REC114: variants seen among roughly 807,000 people sequenced by gnomAD.
REC114 encodes meiotic recombination protein REC114.
Under a neutral mutation model 31.3 loss-of-function variants are expected in REC114, and 27 were observed. The observed-to-expected ratio is 0.86, with a 90% confidence interval of 0.64 to 1.19. The LOEUF is 1.19. Among genes scored for constraint, REC114 ranks in the 50% most tolerant of loss-of-function variants. The pLI is 0.00. For synonymous variants in REC114, 134 were observed against 127.7 expected (o/e 1.05, Z -0.33); for missense variants, 344 against 326.9 (o/e 1.05, Z -0.40).
intron 1 of REC114, among the ~76,000 whole-genome samples, chr15:73,445,592 G>A (rs967492994): frequency 2.6e-5 from 4 of 152,146 alleles, no homozygotes; most frequent in African/African-American, 7.2e-5. Flanking sequence ...TGAGAGATAT[G>A]TGATTTTTCC....
chr15:73,484,402 G>C (rs1279263998), intron 2 of REC114, among the ~76,000 whole-genome samples: 3 of 152,236 alleles, frequency 2.0e-5, no homozygotes, highest in African/African-American at 7.2e-5. Context: ...TTCTGTCCTG[G>C]AGCTGGAGCT....
chr15:73,507,106 C>A (rs550558939), intron 2 of REC114, among the ~76,000 whole-genome samples: 1 of 152,204 alleles, frequency 6.6e-6, no homozygotes, highest in South Asian at 2.1e-4. Flanking sequence ...ACTAAGTGTT[C>A]ATTTCCTGTG....
chr15:73,473,308 GA>G (rs1244675225), intron 1 of REC114, among the ~76,000 whole-genome samples: 8 of 151,874 alleles, frequency 5.3e-5, no homozygotes. Context: ...AGAATCGCTT[GA>G]ACACAGGAGG....
intron 1 of REC114, among the ~76,000 whole-genome samples, 178 bp downstream of exon 1, chr15:73,443,522 G>A (rs1892726334): frequency 6.6e-6 from 1 of 152,236 alleles, no homozygotes; most frequent in African/African-American, 2.4e-5. Flanking sequence ...CATAGCAGTA[G>A]GAGACATGGT....
chr15:73,543,942 CTTTTTTTTTTT>C (rs34215297), intron 3 of REC114, among the ~76,000 whole-genome samples: 13 of 74,132 alleles, frequency 1.8e-4, no homozygotes, highest in African/African-American at 6.2e-4. Context: ...TGTTAACTGG[CTTTTTTTTTTT>C]TTTTTTTTTT....
chr15:73,559,991 T>G lies in REC114; in HGVS notation c.*75T>G, dbSNP rs1894563722. ...TTCCTCCTAAAATTAAAGAAGATAT[T>G]AGAATAAAGAGTATTATCCAAACAC... On this transcript the variant is annotated 3_prime_UTR_variant, in exon 6 of 6. Transcript: ENST00000331090. 4 of 1,366,474 alleles carry G rather than the reference T, an allele frequency of 2.9e-6. No individual in the cohort carries two copies. The Admixed American group carries it at 7.8e-5, about 27-fold the overall frequency. The allele number at this position is 1,366,474 out of a possible 1,614,324, so 84.6% of individuals were successfully genotyped here. A position where few individuals can be genotyped will look rare whatever the true frequency, so the allele number is the denominator to read the frequency against.
intron 1 of REC114, among the ~76,000 whole-genome samples, chr15:73,454,563 T>C (rs1442994768): frequency 1.3e-5 from 2 of 152,186 alleles, no homozygotes; most frequent in African/African-American, 4.8e-5. Context: ...AATCAGTATA[T>C]CTAGGACCAT....
chr15:73,555,842 T>TC (rs1333487638), intron 4 of REC114, among the ~76,000 whole-genome samples: 1 of 152,156 alleles, frequency 6.6e-6, no homozygotes, highest in African/African-American at 2.4e-5. Context: ...TATAGGAGTT[T>TC]CCCCCCATTT....
chr15:73,546,500 G>A (rs1894310140), intron 3 of REC114, among the ~76,000 whole-genome samples: 1 of 152,066 alleles, frequency 6.6e-6, no homozygotes. Context: ...ATACTCTTCA[G>A]CCATTGAAAG....
At chr15:73,510,032 C>G (rs1893739868) in intron 2 of REC114, among the ~76,000 whole-genome samples, 1 of 151,960 alleles carries the variant, frequency 6.6e-6, no homozygotes, top group African/African-American at 2.4e-5. Context: ...TTACCTTGGG[C>G]AGTATGGCCA....
At chr15:73,467,892 CTTTT>C (rs112871881) in intron 1 of REC114, among the ~76,000 whole-genome samples, 1 of 145,728 alleles carries the variant, frequency 6.9e-6, no homozygotes, top group African/African-American at 2.5e-5. Flanking sequence ...GCTCAAGAAT[CTTTT>C]TTTTTTTTTC....
chr15:73,521,679 T>C lies in REC114; in HGVS notation c.250-18806T>C, dbSNP rs1230788112. Among the ~76,000 whole-genome samples the C allele has an allele frequency of 4.6e-5, 7 of 152,252 alleles. No homozygotes were observed. The South Asian group carries it at 6.2e-4, about 14-fold the overall frequency. ...AGAGCCTACAAACATTAAAAGAAGG[T>C]ATTTTTATCATCTTTATATCATGTA... On this transcript the variant is annotated intron_variant, in intron 2 of 5. Transcript: ENST00000331090.
intron 2 of REC114, among the ~76,000 whole-genome samples, chr15:73,506,865 G>T (rs79303083): frequency 6.6e-6 from 1 of 152,140 alleles, no homozygotes; most frequent in East Asian, 1.9e-4. Flanking sequence ...CCAAAGAAAA[G>T]ATCAACATAT....
intron 2 of REC114, among the ~76,000 whole-genome samples, chr15:73,503,281 A>G (rs1893626061): frequency 6.6e-6 from 1 of 152,202 alleles, no homozygotes; most frequent in Admixed American, 6.5e-5. Context: ...TACGTTCCCC[A>G]GTGTTTCAAC....
chr15:73,486,926 C>G (rs556188736), intron 2 of REC114, among the ~76,000 whole-genome samples: 1 of 152,046 alleles, frequency 6.6e-6, no homozygotes, highest in Non-Finnish European at 1.5e-5. Context: ...ATCCCAGGTA[C>G]AGGAGAATCG....
intron 1 of REC114, among the ~76,000 whole-genome samples, chr15:73,461,771 A>G (rs1048835005): frequency 2.6e-5 from 4 of 152,106 alleles, no homozygotes; most frequent in African/African-American, 9.7e-5. Flanking sequence ...CGGAGGTCAT[A>G]TTGATGTCAA....
intron 2 of REC114, among the ~76,000 whole-genome samples, chr15:73,524,062 A>G (rs1893974623): frequency 6.6e-6 from 1 of 151,998 alleles, no homozygotes; most frequent in Admixed American, 6.6e-5. Context: ...CAAGGATTTC[A>G]TTTTTTTTGC....
At chr15:73,462,429 G>A (rs965511624) in intron 1 of REC114, among the ~76,000 whole-genome samples, 5 of 151,998 alleles carry the variant, frequency 3.3e-5, no homozygotes, top group Non-Finnish European at 5.9e-5. Flanking sequence ...ATACAGTATC[G>A]TTGTCCTTTG....
At chr15:73,444,959 T>C (rs945979813) in intron 1 of REC114, among the ~76,000 whole-genome samples, 1 of 152,240 alleles carries the variant, frequency 6.6e-6, no homozygotes, top group Non-Finnish European at 1.5e-5. Flanking sequence ...AGGTGCCTTG[T>C]CAATGAACAA....
Sources: allele counts gnomAD v4.1 joint callset (sites outside exome capture counted in the v4.1 genomes callset), GRCh38; gene constraint gnomAD v4.1.1; transcripts MANE v1.5; gene names NCBI Gene and HGNC (gene_info 2026-07-23, HGNC 2026-07-21).